PTPRB: variants seen among roughly 807,000 people sequenced by gnomAD.
PTPRB encodes the protein receptor-type tyrosine-protein phosphatase beta.
Under a neutral mutation model 238.1 loss-of-function variants are expected in PTPRB, and 97 were observed. The observed-to-expected ratio is 0.41, with a 90% CI of 0.35 to 0.48. The LOEUF is 0.48. Among genes scored for constraint, PTPRB ranks in the 20% least tolerant of loss-of-function variants. The pLI is 0.30. For missense variants in PTPRB, 2,292 were observed against 2,681.9 expected (o/e 0.85, Z 3.21); for synonymous variants, 970 against 995.4 (o/e 0.97, Z 0.48).
chr12:70,578,534 A>G (rs1881032028), intron 10 of PTPRB, among the ~76,000 whole-genome samples: 1 of 152,130 alleles, frequency 6.6e-6, no homozygotes, highest in African/African-American at 2.4e-5. Flanking sequence ...AAACTTTATG[A>G]CCATTCTTCA....
chr12:70,566,787 A>G (rs1879361427), intron 14 of PTPRB, 83 bp from the exon 15 acceptor site: 4 of 1,404,446 alleles, frequency 2.8e-6, no homozygotes, highest in African/African-American at 1.4e-5. Flanking sequence ...TCCTGAATCA[A>G]CTGCAGGTAG....
Position 70,532,106 on chromosome 12 carries a change from T to G in PTPRB, c.6433A>C (p.Lys2145Gln). ...GCTCCATAAATGTCCACAGAGTCTT[T>G]GGAGTCTAACTGCTGGAGGATTCGG... ...LDRILQQLDS[K>Q]DSVDIYGAVH... Residue 2145 changes from lysine to glutamine, a missense_variant, in exon 32 of 34, where the codon AAA becomes CAA. This residue lies in a region of PTPRB where 397 missense variants were observed against 502.0 expected (regional missense o/e 0.79). Coordinates refer to ENST00000334414, the MANE Select transcript of PTPRB (RefSeq NM_001109754.4). 2 of 1,613,950 alleles carry G rather than the reference T, an allele frequency of 1.2e-6. No individual in the cohort carries two copies. The highest frequency in any genetic ancestry group is 1.7e-6 in the Non-Finnish European group (2 of 1,179,868).
In PTPRB at chr12:70,593,860, G is replaced by A. The variant is rs148306263; in HGVS notation, c.1516+607C>T. Reference sequence around the variant, plus strand: ...CATTAGATTCTACTAAAATGTAAGCGCTGTGAGGGCAAAGACTTTGTCTCT... The same window carrying A: ...CATTAGATTCTACTAAAATGTAAGCACTGTGAGGGCAAAGACTTTGTCTCT... On this transcript the variant is annotated intron_variant, in intron 6 of 33. Transcript: ENST00000334414. Among the ~76,000 whole-genome samples the A allele has an allele frequency of 9.5e-3, 1,444 of 152,296 alleles. 12 individuals are homozygous for A. Among genetic ancestry groups the A allele is most frequent in the Middle Eastern group, 0.02 (6 of 294 alleles).
chr12:70,523,215 C>T (rs1871874204), intron 33 of PTPRB, among the ~76,000 whole-genome samples: 1 of 151,890 alleles, frequency 6.6e-6, no homozygotes, highest in South Asian at 2.1e-4. Context: ...AGTGCAGTGG[C>T]ACAATTACAG....
chr12:70,601,117 T>C (rs1883446567), intron 4 of PTPRB, among the ~76,000 whole-genome samples: 7 of 152,058 alleles, frequency 4.6e-5, no homozygotes, highest in Admixed American at 4.6e-4. Flanking sequence ...CCACCCGCCT[T>C]GGACTCCCAA....
chr12:70,637,229 A>G (rs1011845371), intron 1 of PTPRB, 112 bp downstream of exon 1: 1 of 897,742 alleles, frequency 1.1e-6, no homozygotes, highest in African/African-American at 1.7e-5. Context: ...CTTTGGCTAA[A>G]CTGCCATGGA....
At chr12:70,575,149 T>C (rs1489776107) in intron 11 of PTPRB, among the ~76,000 whole-genome samples, 1 of 152,162 alleles carries the variant, frequency 6.6e-6, no homozygotes, top group Non-Finnish European at 1.5e-5. Context: ...TGACTAGTGC[T>C]CTCGGATACA....
intron 3 of PTPRB, among the ~76,000 whole-genome samples, chr12:70,610,040 C>A (rs1266932297): frequency 6.6e-6 from 1 of 152,024 alleles, no homozygotes; most frequent in African/African-American, 2.4e-5. Context: ...GGACAGGCAG[C>A]GCGCCGCCCT....
At position 70,620,386 on chromosome 12, in the gene PTPRB, T is replaced by C. The variant is rs145110679; in HGVS notation, c.708+2004A>G. ...CTACCCCTTGGACTTCTCTCTGTGT[T>C]TCACAATGGTTAAAGCTAGGCAAAA... On this transcript the variant is annotated intron_variant, in intron 3 of 33. Coordinates refer to ENST00000334414, the MANE Select transcript of PTPRB (RefSeq NM_001109754.4). 4.3e-3 allele frequency among the ~76,000 whole-genome samples: 661 copies of C among 152,326 alleles called. 2 individuals carry two copies. The highest frequency in any genetic ancestry group is 6.3e-3 in the Non-Finnish European group (427 of 68,022).
chr12:70,555,417 T>G, intron 19 of PTPRB, 108 bp from the exon 20 acceptor site: 1 of 1,072,186 alleles, frequency 9.3e-7, no homozygotes. Flanking sequence ...TCAGACTGTG[T>G]GTGTGTGAGC....
At chr12:70,553,744 A>G (rs1310584787) in intron 20 of PTPRB, among the ~76,000 whole-genome samples, 4 of 152,336 alleles carry the variant, frequency 2.6e-5, no homozygotes, top group African/African-American at 9.6e-5. Context: ...AGGGTTTATC[A>G]TAGCATCCTG....
At chr12:70,545,821 G>C (rs920259187) in intron 21 of PTPRB, among the ~76,000 whole-genome samples, 9 of 152,218 alleles carry the variant, frequency 5.9e-5, no homozygotes, top group Non-Finnish European at 1.0e-4. Context: ...TCACTCAAGA[G>C]AACAGTGGGA....
At chr12:70,594,142 T>C (rs1275919075) in intron 6 of PTPRB, among the ~76,000 whole-genome samples, 2 of 152,168 alleles carry the variant, frequency 1.3e-5, no homozygotes, top group African/African-American at 4.8e-5. Context: ...CTGTGAGTGA[T>C]GTCATAAAGA....
At position 70,555,043 on chromosome 12, in the gene PTPRB, T is replaced by C. The variant is rs1877444263; in HGVS notation, c.5143+117A>G. The C allele has an allele frequency of 2.4e-6, 3 of 1,237,280 alleles. No individual in the cohort carries two copies. The Admixed American group carries it at 7.3e-5, about 30-fold the overall frequency. 76.6% of individuals were successfully genotyped at this position (1,237,280 alleles called of 1,614,324 possible). ...ATCCAGCAGAGAGAGGGGTGAATGA[T>C]ACAAAAATTACATTTTCTACTTAAG... On this transcript the variant is annotated intron_variant, in intron 20 of 33. Coordinates refer to ENST00000334414, the MANE Select transcript of PTPRB (RefSeq NM_001109754.4).
intron 31 of PTPRB, 117 bp downstream of exon 31, chr12:70,534,371 G>C (rs1291772738): frequency 1.7e-6 from 2 of 1,148,204 alleles, no homozygotes; most frequent in Non-Finnish European, 2.4e-6. Context: ...GAGGCAGGCT[G>C]GTTGGTCCAG....
intron 4 of PTPRB, among the ~76,000 whole-genome samples, chr12:70,606,033 C>A (rs944242658): frequency 6.6e-6 from 1 of 152,168 alleles, no homozygotes; most frequent in Non-Finnish European, 1.5e-5. Flanking sequence ...CGTTTAATGA[C>A]CAAGTAAACC....
intron 2 of PTPRB, among the ~76,000 whole-genome samples, chr12:70,631,658 G>A (rs1457929796): frequency 1.3e-5 from 2 of 152,022 alleles, no homozygotes; most frequent in East Asian, 3.9e-4. Flanking sequence ...CAGAATGGGA[G>A]AAAATTTTTG....
intron 3 of PTPRB, among the ~76,000 whole-genome samples, chr12:70,611,377 C>G (rs1164885525): frequency 6.6e-6 from 1 of 152,192 alleles, no homozygotes; most frequent in East Asian, 1.9e-4. Flanking sequence ...CAACCTCTGC[C>G]TCCCGGGTTC....
chr12:70,538,041 A>T, intron 28 of PTPRB, 114 bp downstream of exon 28: 1 of 834,724 alleles, frequency 1.2e-6, no homozygotes, highest in Non-Finnish European at 1.8e-6. Context: ...GCTCTTCTGA[A>T]ATCTACAGGT....
Sources: gnomAD v4.1 joint callset for allele counts (sites outside exome capture counted in the v4.1 genomes callset) on GRCh38, gnomAD v4.1.1 for gene constraint, gnomAD v4.1.1 regional missense constraint, MANE v1.5 for transcripts, NCBI Gene and HGNC (gene_info 2026-07-23, HGNC 2026-07-21) for gene names.